LRP2: variants seen among roughly 807,000 people sequenced by gnomAD.
LRP2 encodes LDL receptor related protein 2, also known as low-density lipoprotein receptor-related protein 2.
Under a neutral mutation model 531.0 loss-of-function variants are expected in LRP2, and 172 were observed. That is an observed-to-expected ratio of 0.32 (90% CI 0.29 to 0.37). The LOEUF (loss-of-function observed/expected upper bound fraction) is 0.37. Among genes scored for constraint, LRP2 ranks in the 10% least tolerant of loss-of-function variants. The pLI, the probability that LRP2 is intolerant of heterozygous loss-of-function variation, is 1.00. For synonymous variants in LRP2, 1,992 were observed against 2,027.6 expected (o/e 0.98, Z 0.47); for missense variants, 5,167 against 5,868.3 (o/e 0.88, Z 3.90).
intron 19 of LRP2, among the ~76,000 whole-genome samples, chr2:169,255,783 AT>A (rs1690280159): frequency 6.6e-6 from 1 of 152,144 alleles, no homozygotes; most frequent in African/African-American, 2.4e-5. Context: ...GAAGGCAGTA[AT>A]TTACTGTTTC....
chr2:169,283,407 A>G (rs1683760369), intron 9 of LRP2, among the ~76,000 whole-genome samples: 1 of 152,232 alleles, frequency 6.6e-6, no homozygotes, highest in Non-Finnish European at 1.5e-5. Flanking sequence ...TTAAAATAAA[A>G]TAAAATTAAT....
At position 169,237,209 on chromosome 2, in the gene LRP2, C is replaced by T; in HGVS notation, c.4585G>A (p.Ala1529Thr). 1.9e-6 allele frequency: 3 copies of T among 1,613,730 alleles called. No homozygotes were observed. In the South Asian group the frequency reaches 3.3e-5, roughly 18 times the overall value. Residue 1529 changes from alanine to threonine, a missense_variant, in exon 28 of 79, where the codon GCT becomes ACT. Ala to Thr is a moderately conservative substitution (Grantham distance 58). This residue lies in a region of LRP2 where 2,811 missense variants were observed against 3,058.0 expected (regional missense o/e 0.92). Transcript: ENST00000649046. ...TTGGAGACTTCAATTGTTTCCAGAGCATAGTCTGTCCAGTAAAGATTACGA... is the reference window on the plus strand; with the variant it reads ...TTGGAGACTTCAATTGTTTCCAGAGTATAGTCTGTCCAGTAAAGATTACGA... ...VGRNLYWTDYALETIEVSKID... is the reference protein window; with the variant it reads ...VGRNLYWTDYTLETIEVSKID...
At position 169,292,338 on chromosome 2, in the gene LRP2, A is replaced by G. The variant is rs1229995388; in HGVS notation, c.684T>C (p.Thr228=). 1 of 1,614,056 alleles carries G rather than the reference A, an allele frequency of 6.2e-7. No individual in the cohort carries two copies. The highest frequency in any genetic ancestry group is 1.7e-5 in the Admixed American group (1 of 60,024). Residue 228 remains threonine, a synonymous_variant, in exon 7 of 79, where the codon ACT becomes ACC. Coordinates refer to ENST00000649046, the MANE Select transcript of LRP2 (RefSeq NM_004525.3). ...NYPTCGGYQF[T]CPSGRCIYQN... The stretch of plus-strand genomic sequence containing the variant: ...GATAAATGCATCGGCCACTGGGGCA[A>G]GTGAACTGGTAACCACCGCAGGTCG...
intron 1 of LRP2, among the ~76,000 whole-genome samples, chr2:169,361,909 G>A (rs1000073359): frequency 2.0e-5 from 3 of 152,210 alleles, no homozygotes; most frequent in Non-Finnish European, 4.4e-5. Context: ...GGCGCTGCAG[G>A]TGGAAAGCTG....
At chr2:169,213,294 T>G (rs139577366) in intron 36 of LRP2, among the ~76,000 whole-genome samples, 1 of 152,170 alleles carries the variant, frequency 6.6e-6, no homozygotes, top group South Asian at 2.1e-4. Context: ...TCACCGAGTA[T>G]TGAGCAGCAA....
Position 169,196,100 on chromosome 2 carries a change from AC to A in LRP2, c.8698+810del, listed in dbSNP as rs529693883. On this transcript the variant is annotated intron_variant, in intron 46 of 78. Transcript: ENST00000649046. ...GCAGTATGAAGACAAGGACGAGCAAACTTTTTAACTAGATAGTAAATATTTT... is the reference window on the plus strand; with the variant it reads ...GCAGTATGAAGACAAGGACGAGCAAATTTTTAACTAGATAGTAAATATTTT... Among the ~76,000 whole-genome samples the A allele has an allele frequency of 8.5e-4, 130 of 152,290 alleles. 2 individuals are homozygous for A. In the Middle Eastern group the frequency reaches 0.014, roughly 16 times the overall value.
rs867531831 is a variant in LRP2, at chr2:169,172,054, G to T, written c.11224C>A (p.Gln3742Lys). ...TCTGAGTTATCTCCACAGTCATTTT[G>T]CCCATCACACTGCCAACGAAGAGGG... ...CIPLRWQCDG[Q>K]NDCGDNSDEE... Residue 3742 changes from glutamine (Q) to lysine (K), a missense_variant, in exon 58 of 79, where the codon CAA becomes AAA. Transcript: ENST00000649046. The T allele has an allele frequency of 6.2e-6, 10 of 1,614,124 alleles. 1 individual carries two copies. In the Middle Eastern group the frequency reaches 1.2e-3, roughly 187 times the overall value.
rs142153203 is a variant in LRP2 at position 169,202,996 on chromosome 2, A to C, written c.8006-37T>G. 6.3e-4 allele frequency: 987 copies of C among 1,577,442 alleles called. 8 individuals carry two copies. The African/African-American group carries it at 0.011, about 17-fold the overall frequency. ...TAATCCCAGAAGAAGTAAAAGATGG[A>C]TGCAGCCACCGTTCACATTGACCCC... On this transcript the variant is annotated intron_variant, in intron 42 of 78. Transcript: ENST00000649046.
In LRP2 at chr2:169,139,616, A is replaced by G; in HGVS notation, c.13200-6T>C. 1 of 1,614,102 alleles carries G rather than the reference A, an allele frequency of 6.2e-7. No homozygotes were observed. Among genetic ancestry groups the G allele is most frequent in the Non-Finnish European group, 8.5e-7 (1 of 1,179,918 alleles). On this transcript the variant is annotated splice_polypyrimidine_tract_variant and splice_region_variant and intron_variant, in intron 72 of 78. Coordinates refer to ENST00000649046, the MANE Select transcript of LRP2 (RefSeq NM_004525.3). ...CGGTGTAGCCGCTAGGACACCTGAA[A>G]GGAAAAAGCAAATCATTCACTAGCT...
In LRP2 at chr2:169,269,139, G is replaced by A. The variant is rs143900298; in HGVS notation, c.2320+1765C>T. On this transcript the variant is annotated intron_variant, in intron 16 of 78. Coordinates refer to ENST00000649046, the MANE Select transcript of LRP2 (RefSeq NM_004525.3). ...AAATGGAAGAACAATCCATGCTCAT[G>A]GATAGGAAGAATCAATATTGTGAAA... 4.6e-3 allele frequency among the ~76,000 whole-genome samples: 698 copies of A among 152,310 alleles called. 2 individuals carry two copies. Among genetic ancestry groups the A allele is most frequent in the African/African-American group, 0.016 (664 of 41,556 alleles).
At chr2:169,279,979 G>A (rs1683658029) in intron 11 of LRP2, among the ~76,000 whole-genome samples, 1 of 152,118 alleles carries the variant, frequency 6.6e-6, no homozygotes, top group African/African-American at 2.4e-5. Context: ...GAAGATGCAG[G>A]TAAAAATCTG....
At chr2:169,327,184 G>A (rs1438139653) in intron 1 of LRP2, among the ~76,000 whole-genome samples, 1 of 142,954 alleles carries the variant, frequency 7.0e-6, no homozygotes, top group Admixed American at 6.8e-5. Context: ...GAGGGAGGTG[G>A]GGGGGTCAGC....
chr2:169,344,167 C>A (rs1264529118), intron 1 of LRP2, among the ~76,000 whole-genome samples: 1 of 151,978 alleles, frequency 6.6e-6, no homozygotes, highest in Non-Finnish European at 1.5e-5. Flanking sequence ...ATGTGCAGAA[C>A]GTGCAGGTTT....
intron 3 of LRP2, among the ~76,000 whole-genome samples, chr2:169,312,037 G>T (rs1241060364): frequency 6.6e-6 from 1 of 151,712 alleles, no homozygotes; most frequent in Non-Finnish European, 1.5e-5. Flanking sequence ...GCCTTTTTTT[G>T]TGTTTTCCAT....
At chr2:169,150,772 C>A in intron 68 of LRP2, 126 bp downstream of exon 68, 1 of 1,082,800 alleles carries the variant, frequency 9.2e-7, no homozygotes. Flanking sequence ...CAGTCATAGA[C>A]GCTACTCCCA....
chr2:169,215,888 T>C (rs1225763122), intron 35 of LRP2, among the ~76,000 whole-genome samples: 1 of 151,116 alleles, frequency 6.6e-6, no homozygotes, highest in East Asian at 1.9e-4. Context: ...TTCTCTATAA[T>C]TGGAGAACCC....
chr2:169,262,599 T>C (rs374102786), intron 16 of LRP2, among the ~76,000 whole-genome samples: 1 of 148,940 alleles, frequency 6.7e-6, no homozygotes, highest in African/African-American at 2.5e-5. Flanking sequence ...TAAAAGAGGA[T>C]ACAAACAAAT....
chr2:169,134,293 T>C (rs925505358), intron 76 of LRP2, among the ~76,000 whole-genome samples: 9 of 152,214 alleles, frequency 5.9e-5, no homozygotes, highest in South Asian at 2.1e-4. Context: ...CTATTTTCTT[T>C]CTCCCACCTG....
intron 3 of LRP2, among the ~76,000 whole-genome samples, chr2:169,308,318 C>A (rs1029334796): frequency 6.6e-6 from 1 of 151,938 alleles, no homozygotes. Flanking sequence ...TGGTGTGCTG[C>A]CCCCATTAAC....
Sources: allele counts gnomAD v4.1 joint callset (sites outside exome capture counted in the v4.1 genomes callset), GRCh38; gene constraint gnomAD v4.1.1; regional missense constraint gnomAD v4.1.1; transcripts MANE v1.5; gene names NCBI Gene and HGNC (gene_info 2026-07-23, HGNC 2026-07-21).